Variants in PDLIM1 observed in about 807,000 individuals in gnomAD.
PDLIM1 encodes PDZ and LIM domain protein 1.
Under a neutral mutation model 35.2 loss-of-function variants are expected in PDLIM1, and 25 were observed. The observed-to-expected ratio is 0.71, with a 90% CI of 0.52 to 0.99. The LOEUF (loss-of-function observed/expected upper bound fraction) is 0.99, where lower values mean the gene tolerates loss of function less well. Ranked by LOEUF, PDLIM1 falls within the 50% of genes least tolerant of loss-of-function variation. The pLI, the probability that PDLIM1 is intolerant of heterozygous loss-of-function variation, is 0.00. For missense variants in PDLIM1, 363 were observed against 415.3 expected (o/e 0.87, Z 1.09); for synonymous variants, 152 against 154.0 (o/e 0.99, Z 0.10).
At chr10:95,267,988 G>C (rs1367290505) in intron 3 of PDLIM1, among the ~76,000 whole-genome samples, 4 of 152,202 alleles carry the variant, frequency 2.6e-5, no homozygotes, top group Non-Finnish European at 5.9e-5. Context: ...AGCATGTTGG[G>C]TGTGAGGAAT....
intron 4 of PDLIM1, among the ~76,000 whole-genome samples, chr10:95,253,193 C>A (rs1391236909): frequency 2.6e-5 from 4 of 151,916 alleles, no homozygotes; most frequent in African/African-American, 9.7e-5. Context: ...TTATCAGAAT[C>A]CATAAAGAAA....
chr10:95,271,436 CAA>C lies in PDLIM1; in HGVS notation c.248+195_248+196del, dbSNP rs5787128. The stretch of plus-strand genomic sequence containing the variant: ...TGGGCAACAGAGTGAGACTCCGTCT[CAA>C]AAAAAAAAAAAAAAAAAATAGAGGG... On this transcript the variant is annotated intron_variant, in intron 2 of 6. Transcript: ENST00000329399. Among the ~76,000 whole-genome samples the C allele has an allele frequency of 5.7e-3, 411 of 71,854 alleles. 1 individual carries two copies. Among genetic ancestry groups the C allele is most frequent in the African/African-American group, 0.015 (349 of 23,698 alleles). The allele number at this position is 71,854 out of a possible 152,430, so 47.1% of individuals were successfully genotyped here.
At chr10:95,243,505 A>G (rs994553941) in intron 5 of PDLIM1, among the ~76,000 whole-genome samples, 2 of 152,130 alleles carry the variant, frequency 1.3e-5, no homozygotes, top group Non-Finnish European at 2.9e-5. Flanking sequence ...CAAGCTCATG[A>G]TTCTTAACCT....
chr10:95,243,276 ATC>A (rs1302988326), intron 5 of PDLIM1, among the ~76,000 whole-genome samples: 1 of 152,080 alleles, frequency 6.6e-6, no homozygotes, highest in Non-Finnish European at 1.5e-5. Flanking sequence ...ATCCAGAGAA[ATC>A]TCTCTTCCTT....
intron 1 of PDLIM1, among the ~76,000 whole-genome samples, chr10:95,288,888 T>G (rs183759018): frequency 1.1e-3 from 160 of 152,366 alleles, no homozygotes; most frequent in African/African-American, 3.7e-3. Context: ...CCCTCTCATT[T>G]CTGAGGCGTT....
At chr10:95,283,199 C>T (rs1384184040) in intron 1 of PDLIM1, among the ~76,000 whole-genome samples, 2 of 151,722 alleles carry the variant, frequency 1.3e-5, no homozygotes, top group African/African-American at 4.9e-5. Flanking sequence ...GTAATAAACA[C>T]TCAATATATA....
intron 1 of PDLIM1, among the ~76,000 whole-genome samples, chr10:95,286,489 CAT>C (rs1247769872): frequency 1.3e-5 from 2 of 152,092 alleles, no homozygotes; most frequent in Non-Finnish European, 2.9e-5. Context: ...CAGGAGAAGA[CAT>C]ATGATTTTCC....
chr10:95,256,825 A>T (rs1254570998), intron 4 of PDLIM1, among the ~76,000 whole-genome samples: 2 of 151,898 alleles, frequency 1.3e-5, no homozygotes, highest in Non-Finnish European at 1.5e-5. Flanking sequence ...CTACAAAAAA[A>T]TTAGCCAGGA....
At chr10:95,259,521 G>A (rs45493292) in intron 4 of PDLIM1, among the ~76,000 whole-genome samples, 9,526 of 152,170 alleles carry the variant, frequency 0.063, 405 homozygotes, top group South Asian at 0.19. Flanking sequence ...TGCTTCCTAA[G>A]TTTTGGTCTT....
chr10:95,271,501 T>C, intron 2 of PDLIM1, 132 bp downstream of exon 2: 1 of 611,802 alleles, frequency 1.6e-6, no homozygotes. Flanking sequence ...CACAGACCTT[T>C]TGGCATGCCT....
At chr10:95,264,825 T>C (rs1010998230) in intron 3 of PDLIM1, among the ~76,000 whole-genome samples, 5 of 151,396 alleles carry the variant, frequency 3.3e-5, no homozygotes, top group Non-Finnish European at 7.4e-5. Context: ...GAATAATTAC[T>C]ACAGCTACAA....
At chr10:95,270,790 G>A (rs1350821059) in intron 2 of PDLIM1, among the ~76,000 whole-genome samples, 4 of 151,790 alleles carry the variant, frequency 2.6e-5, no homozygotes, top group African/African-American at 7.3e-5. Flanking sequence ...TCGCTCTGTC[G>A]CCCAGGCTGG....
In PDLIM1 at chr10:95,272,537, G is replaced by A. The variant is rs186419056; in HGVS notation, c.97-753C>T. Among the ~76,000 whole-genome samples the A allele has an allele frequency of 7.9e-5, 12 of 152,092 alleles. No homozygotes were observed. In the East Asian group the frequency reaches 1.4e-3, roughly 17 times the overall value. ...TAACAAAAATACAAAAAAATTAGCCGGGTGTGATCTCAGCTATTCAGGAGG... is the reference window on the plus strand; with the variant it reads ...TAACAAAAATACAAAAAAATTAGCCAGGTGTGATCTCAGCTATTCAGGAGG... On this transcript the variant is annotated intron_variant, in intron 1 of 6. Coordinates refer to ENST00000329399, the MANE Select transcript of PDLIM1 (RefSeq NM_020992.4).
chr10:95,262,609 C>CA (rs1261119219), intron 4 of PDLIM1, among the ~76,000 whole-genome samples: 12 of 144,212 alleles, frequency 8.3e-5, no homozygotes, highest in Admixed American at 8.2e-4. Context: ...CCCCACCCAG[C>CA]ACCCTTGTTT....
In PDLIM1 at chr10:95,268,777, C is replaced by T; in HGVS notation, c.333+1G>A. 6.2e-7 allele frequency: 1 copy of T among 1,602,184 alleles called. No individual in the cohort carries two copies. Among genetic ancestry groups the T allele is most frequent in the Non-Finnish European group, 8.6e-7 (1 of 1,169,108 alleles). On this transcript the variant is annotated splice_donor_variant, in intron 3 of 6. Coordinates refer to ENST00000329399, the MANE Select transcript of PDLIM1 (RefSeq NM_020992.4). LOFTEE classifies it high-confidence loss of function. ...AGCGGCAACGATGAGCAAGAACTTACCTGGGGTTCAGAGGCTAAATTCATC... is the reference window on the plus strand; with the variant it reads ...AGCGGCAACGATGAGCAAGAACTTATCTGGGGTTCAGAGGCTAAATTCATC...
chr10:95,262,461 C>T (rs530075665), intron 4 of PDLIM1, among the ~76,000 whole-genome samples: 46 of 152,110 alleles, frequency 3.0e-4, no homozygotes, highest in Middle Eastern at 3.4e-3. Context: ...CAGGAGATTT[C>T]CGAAAAAAAG....
chr10:95,283,664 A>G (rs2035577751), intron 1 of PDLIM1, among the ~76,000 whole-genome samples: 1 of 152,214 alleles, frequency 6.6e-6, no homozygotes, highest in African/African-American at 2.4e-5. Flanking sequence ...CTGTAGGTTT[A>G]TATTGTCCGA....
intron 4 of PDLIM1, among the ~76,000 whole-genome samples, chr10:95,251,490 C>T (rs1233622329): frequency 1.3e-5 from 2 of 152,026 alleles, no homozygotes; most frequent in Non-Finnish European, 2.9e-5. Context: ...GCAGTAGAAT[C>T]GCTTGAACCT....
intron 1 of PDLIM1, among the ~76,000 whole-genome samples, chr10:95,281,772 A>G (rs1231143091): frequency 6.6e-6 from 1 of 152,232 alleles, no homozygotes; most frequent in East Asian, 1.9e-4. Context: ...TTTCACAGGC[A>G]TGAGCCACTG....
Sources: allele counts gnomAD v4.1 joint callset (sites outside exome capture counted in the v4.1 genomes callset), GRCh38; gene constraint gnomAD v4.1.1; transcripts MANE v1.5; gene names NCBI Gene and HGNC (gene_info 2026-07-23, HGNC 2026-07-21).